MAGI1: variants seen among roughly 807,000 people sequenced by gnomAD.
MAGI1 encodes the protein membrane associated guanylate kinase, WW and PDZ domain containing 1, also known as membrane-associated guanylate kinase, WW and PDZ domain-containing protein 1.
MAGI1 carries 58 observed loss-of-function variants against 139.9 expected under a neutral mutation model. The ratio of observed to expected loss-of-function variants is 0.41; its 90% confidence interval spans 0.34 to 0.52. MAGI1 has a LOEUF of 0.52. Among genes scored for constraint, MAGI1 ranks in the 20% least tolerant of loss-of-function variants. The probability of loss-of-function intolerance (pLI) is 0.12; values close to 1 mark genes in which losing one functional copy is unlikely to be tolerated. For missense variants in MAGI1, 1,874 were observed against 1,901.6 expected (o/e 0.99, Z 0.27); for synonymous variants, 812 against 737.9 (o/e 1.10, Z -1.63).
intron 8 of MAGI1, among the ~76,000 whole-genome samples, chr3:65,442,248 A>T (rs975671726): frequency 6.6e-6 from 1 of 152,170 alleles, no homozygotes; most frequent in African/African-American, 2.4e-5. Flanking sequence ...ACCTCAGGCA[A>T]GAGAGAAACA....
chr3:65,717,132 C>G (rs180951366), intron 1 of MAGI1, among the ~76,000 whole-genome samples: 5 of 152,172 alleles, frequency 3.3e-5, no homozygotes, highest in Non-Finnish European at 2.9e-5. Flanking sequence ...TGGCTTTAGT[C>G]AGAGAAATAT....
At chr3:65,996,744 G>A (rs1209478762) in intron 1 of MAGI1, among the ~76,000 whole-genome samples, 1 of 152,210 alleles carries the variant, frequency 6.6e-6, no homozygotes, top group African/African-American at 2.4e-5. Context: ...CTTGTGCTGG[G>A]ACAGCTGGGA....
chr3:65,984,488 TTAATA>T (rs139263785), intron 1 of MAGI1, among the ~76,000 whole-genome samples: 2,320 of 150,750 alleles, frequency 0.015, 70 homozygotes, highest in African/African-American at 0.054. Flanking sequence ...TAAAACACGT[TTAATA>T]TAATATTTTC....
intron 1 of MAGI1, among the ~76,000 whole-genome samples, chr3:65,711,908 C>T (rs558128878): frequency 6.6e-6 from 1 of 152,290 alleles, no homozygotes; most frequent in East Asian, 1.9e-4. Context: ...AATACAATCC[C>T]CATATTGTAG....
chr3:65,617,267 A>T lies in MAGI1; in HGVS notation c.430+4705T>A, dbSNP rs548647424. On this transcript the variant is annotated intron_variant, in intron 2 of 22. Transcript: ENST00000402939. ...GACTTATCCTTTCCTCTTTTAGGTG[A>T]CCTTTGCTTGAAAAGAAAGATGACA... 1.6e-3 allele frequency among the ~76,000 whole-genome samples: 237 copies of T among 152,294 alleles called. 1 individual carries two copies. The highest frequency in any genetic ancestry group is 3.7e-3 in the South Asian group (18 of 4,828).
intron 18 of MAGI1, chr3:65,371,986 A>C: frequency 2.7e-6 from 1 of 363,740 alleles, no homozygotes; most frequent in Admixed American, 3.4e-5. Context: ...GAAGGTTGGA[A>C]TCAACCTCTT....
intron 2 of MAGI1, among the ~76,000 whole-genome samples, chr3:65,565,777 A>G (rs905048158): frequency 6.6e-6 from 1 of 151,096 alleles, no homozygotes; most frequent in African/African-American, 2.4e-5. Context: ...GAATTGCTTG[A>G]ACCCAGGAGG....
At chr3:65,930,691 G>A (rs2062766862) in intron 1 of MAGI1, among the ~76,000 whole-genome samples, 1 of 152,148 alleles carries the variant, frequency 6.6e-6, no homozygotes, top group Admixed American at 6.5e-5. Context: ...TTGCGGTAAA[G>A]AAGCCAGCCA....
At chr3:65,725,798 G>C (rs1380354291) in intron 1 of MAGI1, among the ~76,000 whole-genome samples, 2 of 152,156 alleles carry the variant, frequency 1.3e-5, no homozygotes, top group Non-Finnish European at 1.5e-5. Flanking sequence ...AAAGACAAAA[G>C]ATCTAGAAGT....
At chr3:65,570,608 C>T (rs1374964754) in intron 2 of MAGI1, among the ~76,000 whole-genome samples, 1 of 152,020 alleles carries the variant, frequency 6.6e-6, no homozygotes, top group African/African-American at 2.4e-5. Context: ...GTATGATATC[C>T]AGGATTTGCT....
At chr3:65,759,518 A>G (rs1193034631) in intron 1 of MAGI1, among the ~76,000 whole-genome samples, 1 of 152,226 alleles carries the variant, frequency 6.6e-6, no homozygotes, top group African/African-American at 2.4e-5. Context: ...AGGTTGGGAT[A>G]GAAAACCCAA....
intron 18 of MAGI1, among the ~76,000 whole-genome samples, chr3:65,372,558 A>G (rs933553094): frequency 5.9e-5 from 9 of 152,324 alleles, no homozygotes; most frequent in African/African-American, 2.2e-4. Context: ...AGAGTCAGCC[A>G]GTCCTTTGAA....
intron 1 of MAGI1, among the ~76,000 whole-genome samples, chr3:65,769,735 T>G (rs1445525520): frequency 1.3e-5 from 2 of 152,196 alleles, no homozygotes; most frequent in East Asian, 3.8e-4. Context: ...GGAAGATAAG[T>G]GTCTACCTGG....
At chr3:65,688,398 G>A in intron 1 of MAGI1, 1 of 555,170 alleles carries the variant, frequency 1.8e-6, no homozygotes. Context: ...AAAAAGGAAA[G>A]GGAGGAAGAA....
intron 1 of MAGI1, among the ~76,000 whole-genome samples, chr3:65,690,463 T>C (rs1018442327): frequency 6.6e-6 from 1 of 152,020 alleles, no homozygotes; most frequent in Non-Finnish European, 1.5e-5. Context: ...CAGCACTAAA[T>C]ATACAACTCT....
chr3:65,852,215 A>T (rs1392474200), intron 1 of MAGI1, among the ~76,000 whole-genome samples: 2 of 152,178 alleles, frequency 1.3e-5, no homozygotes, highest in Non-Finnish European at 2.9e-5. Flanking sequence ...TGCCAAGGTT[A>T]TCCTGCTGGT....
chr3:65,522,058 A>C (rs1024036618), intron 2 of MAGI1, among the ~76,000 whole-genome samples: 1 of 152,172 alleles, frequency 6.6e-6, no homozygotes, highest in African/African-American at 2.4e-5. Context: ...ACGGAATTTC[A>C]TACCCTCCTT....
chr3:65,554,890 G>A (rs2080013460), intron 2 of MAGI1, among the ~76,000 whole-genome samples: 1 of 152,182 alleles, frequency 6.6e-6, no homozygotes, highest in Non-Finnish European at 1.5e-5. Flanking sequence ...GTGAGACACT[G>A]GTTTGGATCC....
chr3:65,570,052 G>C (rs1434531127), intron 2 of MAGI1, among the ~76,000 whole-genome samples: 1 of 145,884 alleles, frequency 6.9e-6, no homozygotes, highest in African/African-American at 2.5e-5. Context: ...TTCCTACAGT[G>C]CTTCTTTCTT....
Sources: gnomAD v4.1 joint callset for allele counts (sites outside exome capture counted in the v4.1 genomes callset) on GRCh38, gnomAD v4.1.1 for gene constraint, MANE v1.5 for transcripts, NCBI Gene and HGNC (gene_info 2026-07-23, HGNC 2026-07-21) for gene names.